SERINC5: variants seen among roughly 807,000 people sequenced by gnomAD.
The protein encoded by SERINC5 is chromosome 5 open reading frame 12.
A neutral mutation model predicts 63.1 loss-of-function variants in SERINC5; 41 were observed. That is an observed-to-expected ratio of 0.65 (90% CI 0.51 to 0.84). SERINC5 has a LOEUF of 0.84. SERINC5 is among the 40% of genes least tolerant of loss of function. The pLI is 0.00. For synonymous variants in SERINC5, 222 were observed against 215.2 expected, an observed-to-expected ratio of 1.03 and a Z score of -0.28; for missense variants, 523 against 573.0, an observed-to-expected ratio of 0.91 and a Z score of 0.89.
At chr5:80,217,706 G>A (rs1750731401) in intron 1 of SERINC5, among the ~76,000 whole-genome samples, 1 of 152,126 alleles carries the variant, frequency 6.6e-6, no homozygotes, top group Admixed American at 6.5e-5. Context: ...CTAGGAGTTG[G>A]TAGTATAGTC....
downstream of SERINC5, among the ~76,000 whole-genome samples, chr5:80,135,915 A>G (rs1745151791): frequency 6.6e-6 from 1 of 151,826 alleles, no homozygotes; most frequent in Non-Finnish European, 1.5e-5. Context: ...ATGAATTCAG[A>G]GTCAGAAAGT....
intron 2 of SERINC5, among the ~76,000 whole-genome samples, chr5:80,195,819 T>C (rs953741338): frequency 1.2e-4 from 18 of 152,190 alleles, no homozygotes; most frequent in African/African-American, 4.1e-4. Context: ...TTAAGTAAAG[T>C]AGCCACTGTA....
Position 80,143,683 on chromosome 5 carries a change from T to G in SERINC5, c.1366A>C (p.Thr456Pro). ...CTLVAPLCCP[T>P]REFSV Reference sequence around the variant, plus strand: ...TATCATCACACAGAGAACTCCCGGGTGGGGCAGCAGAGGGGAGCGACCAGC... The same window carrying G: ...TATCATCACACAGAGAACTCCCGGGGGGGGCAGCAGAGGGGAGCGACCAGC... Residue 456 changes from threonine to proline, a missense_variant, in exon 12 of 12, where the codon ACC becomes CCC. Transcript: ENST00000507668. The G allele has an allele frequency of 1.3e-6, 2 of 1,535,500 alleles. No homozygotes were observed. Among genetic ancestry groups the G allele is most frequent in the South Asian group, 2.4e-5 (2 of 84,014 alleles).
At chr5:80,237,922 G>A (rs1751772526) in intron 1 of SERINC5, among the ~76,000 whole-genome samples, 1 of 151,738 alleles carries the variant, frequency 6.6e-6, no homozygotes. Context: ...GGCCAACATG[G>A]TGAAACCCCA....
chr5:80,226,495 C>T (rs1441130210), intron 1 of SERINC5, among the ~76,000 whole-genome samples: 5 of 152,124 alleles, frequency 3.3e-5, no homozygotes, highest in Admixed American at 6.5e-5. Context: ...ACCCCTCCTC[C>T]ACCTACTCCC....
At chr5:80,159,084 A>AAGTGT in intron 7 of SERINC5, 122 bp from the exon 8 acceptor site, 1 of 919,466 alleles carries the variant, frequency 1.1e-6, no homozygotes, top group Non-Finnish European at 1.7e-6. Flanking sequence ...GTGAACACTT[A>AAGTGT]TCACTGGAAA....
intron 11 of SERINC5, among the ~76,000 whole-genome samples, chr5:80,123,271 A>T (rs556061560): frequency 1.2e-3 from 186 of 152,160 alleles, no homozygotes; most frequent in African/African-American, 3.9e-3. Flanking sequence ...GATTTTTTTA[A>T]AAAAATTATT....
rs975748598 is a variant in SERINC5, at chr5:80,142,187, C to T, written c.*1476G>A. The T allele has an allele frequency of 1.4e-5, 14 of 985,292 alleles. No homozygotes were observed. The African/African-American group carries it at 2.4e-4, about 17-fold the overall frequency. The allele number at this position is 985,292 out of a possible 1,614,324, so 61.0% of individuals were successfully genotyped here. A position where few individuals can be genotyped will look rare whatever the true frequency, so the allele number is the denominator to read the frequency against. On this transcript the variant is annotated 3_prime_UTR_variant, in exon 12 of 12. Transcript: ENST00000507668. ...GAGTTTCCACCAAGTAAACCTTTTC[C>T]CTGCCTGAATACATCAACACTGAAA...
intron 1 of SERINC5, 59 bp downstream of exon 1, chr5:80,255,836 TG>T: frequency 6.4e-7 from 1 of 1,561,596 alleles, no homozygotes; most frequent in Non-Finnish European, 8.7e-7. Flanking sequence ...CCTCCACGCC[TG>T]GACTCCTGGC....
chr5:80,161,496 T>C (rs776268149), intron 7 of SERINC5, among the ~76,000 whole-genome samples: 1 of 152,192 alleles, frequency 6.6e-6, no homozygotes, highest in Non-Finnish European at 1.5e-5. Context: ...TTATATGTCT[T>C]CTTTAGAAAA....
downstream of SERINC5, among the ~76,000 whole-genome samples, chr5:80,135,765 CAT>C (rs1491150153): frequency 6.6e-6 from 1 of 151,162 alleles, no homozygotes; most frequent in Non-Finnish European, 1.5e-5. Flanking sequence ...ATGATAGAAG[CAT>C]AGTTTTTGGA....
intron 1 of SERINC5, among the ~76,000 whole-genome samples, chr5:80,203,908 G>A (rs796935508): frequency 1.5e-4 from 23 of 152,234 alleles, no homozygotes; most frequent in African/African-American, 5.5e-4. Context: ...ACCTGGGCAG[G>A]GACTGAAGAC....
chr5:80,221,760 T>C (rs17259893), intron 1 of SERINC5, among the ~76,000 whole-genome samples: 16,315 of 150,734 alleles, frequency 0.11, 995 homozygotes, highest in Non-Finnish European at 0.13. Flanking sequence ...ATGCACTCCA[T>C]TGGTCTACAT....
intron 11 of SERINC5, among the ~76,000 whole-genome samples, chr5:80,115,877 T>C (rs1744306186): frequency 6.6e-6 from 1 of 151,996 alleles, no homozygotes; most frequent in South Asian, 2.1e-4. Flanking sequence ...AAACCTTCAG[T>C]GGGATTTCTG....
intron 7 of SERINC5, 23 bp from the exon 8 acceptor site, chr5:80,158,985 A>T (rs1746715864): frequency 1.2e-6 from 2 of 1,612,542 alleles, no homozygotes; most frequent in Admixed American, 3.3e-5. Flanking sequence ...AAACAAAGTC[A>T]TCACAGTCAA....
At chr5:80,154,401 A>T (rs1580074346) in intron 8 of SERINC5, among the ~76,000 whole-genome samples, 1 of 150,258 alleles carries the variant, frequency 6.7e-6, no homozygotes, top group African/African-American at 2.5e-5. Flanking sequence ...CTGGTCTTGA[A>T]CTCCTGACCT....
chr5:80,190,743 T>C (rs532387431), intron 2 of SERINC5, among the ~76,000 whole-genome samples: 200 of 152,336 alleles, frequency 1.3e-3, no homozygotes, highest in African/African-American at 4.6e-3. Flanking sequence ...CCCCAAAAGA[T>C]AGGACTCTAC....
chr5:80,197,363 GA>G (rs1749577554), intron 2 of SERINC5, among the ~76,000 whole-genome samples: 3 of 75,384 alleles, frequency 4.0e-5, no homozygotes, highest in South Asian at 4.3e-4. Flanking sequence ...GAGAGAGAGA[GA>G]ACGGACCAGA....
chr5:80,146,342 G>A, intron 10 of SERINC5, 108 bp from the exon 11 acceptor site: 1 of 1,355,454 alleles, frequency 7.4e-7, no homozygotes, highest in East Asian at 2.3e-5. Context: ...AAAGATGCCA[G>A]AAAGCCATCT....
Sources: allele counts gnomAD v4.1 joint callset (sites outside exome capture counted in the v4.1 genomes callset), GRCh38; gene constraint gnomAD v4.1.1; transcripts MANE v1.5; gene names NCBI Gene and HGNC (gene_info 2026-07-23, HGNC 2026-07-21).